Variants in CCNY observed in about 807,000 individuals in gnomAD.
CCNY encodes cyclin-Y.
Under a neutral mutation model 42.8 loss-of-function variants are expected in CCNY, and 19 were observed. The observed-to-expected ratio is 0.44, with a 90% CI of 0.31 to 0.65. CCNY has a LOEUF of 0.65. Ranked by LOEUF, CCNY falls within the 30% of genes least tolerant of loss-of-function variation. The probability of loss-of-function intolerance (pLI) is 0.07; values close to 1 mark genes in which losing one functional copy is unlikely to be tolerated. For missense variants in CCNY, 370 were observed against 437.3 expected (o/e 0.85, Z 1.37); for synonymous variants, 165 against 162.7 (o/e 1.01, Z -0.11).
intron 1 of CCNY, among the ~76,000 whole-genome samples, chr10:35,385,390 T>C (rs1035956229): frequency 6.6e-6 from 1 of 152,236 alleles, no homozygotes; most frequent in Non-Finnish European, 1.5e-5. Flanking sequence ...CCTGTGGTAC[T>C]CCTGTACTAA....
chr10:35,337,446 G>A (rs1208101717), intron 1 of CCNY, among the ~76,000 whole-genome samples: 1 of 152,224 alleles, frequency 6.6e-6, no homozygotes, highest in Non-Finnish European at 1.5e-5. Context: ...GAGCACGGCG[G>A]GCCTAGGGCG....
chr10:35,456,177 G>A (rs1034160411), intron 1 of CCNY, among the ~76,000 whole-genome samples: 3 of 152,154 alleles, frequency 2.0e-5, no homozygotes, highest in African/African-American at 7.2e-5. Context: ...TTGTAAAGTT[G>A]TGTTCACCAT....
intron 1 of CCNY, among the ~76,000 whole-genome samples, chr10:35,353,275 G>A (rs1230568405): frequency 6.6e-6 from 1 of 152,130 alleles, no homozygotes; most frequent in Non-Finnish European, 1.5e-5. Flanking sequence ...GAACTTGTTC[G>A]TAGCTTAGTC....
At chr10:35,424,842 A>G (rs1838232193) in intron 1 of CCNY, among the ~76,000 whole-genome samples, 1 of 152,238 alleles carries the variant, frequency 6.6e-6, no homozygotes, top group South Asian at 2.1e-4. Context: ...GCTGTTGCCA[A>G]GAACCTGTTT....
upstream of CCNY, chr10:35,336,387 G>T (rs1243510214): frequency 6.6e-6 from 1 of 152,058 alleles, no homozygotes; most frequent in Non-Finnish European, 1.5e-5. Context: ...GCGCGGGGCT[G>T]CGCCGCCCCG....
In CCNY at chr10:35,428,151, G is replaced by A. The variant is rs899393557; in HGVS notation, c.155-55253G>A. Among the ~76,000 whole-genome samples, 4 of 152,236 alleles carry A rather than the reference G, an allele frequency of 2.6e-5. No individual in the cohort carries two copies. In the East Asian group the frequency reaches 5.8e-4, roughly 22 times the overall value. ...GCATTGAGTTAAAATGTGGAACAAAGCAGATGCTGTCACTGCTCTTGTGTT... is the reference window on the plus strand; with the variant it reads ...GCATTGAGTTAAAATGTGGAACAAAACAGATGCTGTCACTGCTCTTGTGTT... On this transcript the variant is annotated intron_variant, in intron 1 of 9. Coordinates refer to ENST00000374704, the MANE Select transcript of CCNY (RefSeq NM_145012.6).
At chr10:35,334,308 T>C (rs1034011282), upstream of CCNY, among the ~76,000 whole-genome samples, 2 of 152,224 alleles carry the variant, frequency 1.3e-5, no homozygotes, top group Non-Finnish European at 2.9e-5. Context: ...TTAATGCATC[T>C]GAGTAGATAT....
chr10:35,292,506 G>A (rs966460177), intron 3 of CCNY, among the ~76,000 whole-genome samples: 6 of 151,520 alleles, frequency 4.0e-5, no homozygotes, highest in African/African-American at 7.3e-5. Flanking sequence ...GATTACAGGC[G>A]TGCACTACCG....
chr10:35,526,874 G>A (rs1049171087), intron 5 of CCNY, among the ~76,000 whole-genome samples: 2 of 152,120 alleles, frequency 1.3e-5, no homozygotes, highest in African/African-American at 2.4e-5. Flanking sequence ...CATGCATAAT[G>A]TGACATTCAT....
chr10:35,295,379 G>A lies in CCNY; in HGVS notation c.-9+44753G>A, dbSNP rs185247142. ...CCCGAGTAGCTGGGATTACAGGCAT[G>A]TGCCACCACGCCTGGCTAATTTTGT... is the stretch of plus-strand genomic sequence containing the variant. On this transcript the variant is annotated intron_variant, in intron 3 of 11. Transcript: ENST00000374706. Among the ~76,000 whole-genome samples the A allele has an allele frequency of 1.3e-3, 191 of 151,886 alleles. 5 individuals carry two copies. In the East Asian group the frequency reaches 0.033, roughly 26 times the overall value.
intron 1 of CCNY, among the ~76,000 whole-genome samples, chr10:35,469,803 TGGAGATGGAGAGATAG>T (rs1247075238): frequency 3.9e-5 from 3 of 77,786 alleles, no homozygotes; most frequent in African/African-American, 5.2e-5. Flanking sequence ...GAGACAGATA[TGGAGATGGAGAGATAG>T]GGAGATGGAG....
intron 1 of CCNY, among the ~76,000 whole-genome samples, chr10:35,403,691 T>G (rs1369906089): frequency 6.6e-6 from 1 of 152,228 alleles, no homozygotes; most frequent in African/African-American, 2.4e-5. Context: ...AAGGCATATT[T>G]GGAGTCAATA....
intron 1 of CCNY, among the ~76,000 whole-genome samples, chr10:35,465,462 CCTT>C (rs1263517478): frequency 1.3e-5 from 2 of 152,142 alleles, no homozygotes; most frequent in African/African-American, 4.8e-5. Flanking sequence ...TAATGAATAT[CCTT>C]CTAAACATAA....
chr10:35,429,755 G>A (rs1422805619), intron 1 of CCNY, among the ~76,000 whole-genome samples: 1 of 152,100 alleles, frequency 6.6e-6, no homozygotes, highest in Non-Finnish European at 1.5e-5. Flanking sequence ...CTAGGTATGT[G>A]GCCATGTATT....
intron 7 of CCNY, among the ~76,000 whole-genome samples, chr10:35,538,497 C>A (rs1840931725): frequency 6.6e-6 from 1 of 152,170 alleles, no homozygotes; most frequent in Non-Finnish European, 1.5e-5. Flanking sequence ...CTGTCTTTTT[C>A]ATGTTAGCCA....
At chr10:35,303,482 G>A (rs114172310) in intron 3 of CCNY, among the ~76,000 whole-genome samples, 1 of 150,300 alleles carries the variant, frequency 6.7e-6, no homozygotes, top group Non-Finnish European at 1.5e-5. Flanking sequence ...TTCTTAAAAA[G>A]AAAGAGGAAA....
At chr10:35,481,600 A>G (rs1839670937) in intron 1 of CCNY, among the ~76,000 whole-genome samples, 2 of 152,202 alleles carry the variant, frequency 1.3e-5, no homozygotes, top group African/African-American at 2.4e-5. Flanking sequence ...GTCTGAGGCC[A>G]AGGATTGATT....
At chr10:35,332,129 G>C (rs1051658554), upstream of CCNY, among the ~76,000 whole-genome samples, 1 of 152,206 alleles carries the variant, frequency 6.6e-6, no homozygotes, top group African/African-American at 2.4e-5. Flanking sequence ...CATTTGGAGA[G>C]GAGGTCGGTG....
rs574262907 is a variant in CCNY, at chr10:35,447,794, C to T, written c.155-35610C>T. 7.4e-4 allele frequency among the ~76,000 whole-genome samples: 112 copies of T among 152,124 alleles called. 1 individual carries two copies. Among genetic ancestry groups the T allele is most frequent in the Non-Finnish European group, 1.3e-3 (87 of 68,010 alleles). On this transcript the variant is annotated intron_variant, in intron 1 of 9. Coordinates refer to ENST00000374704, the MANE Select transcript of CCNY (RefSeq NM_145012.6). The stretch of plus-strand genomic sequence containing the variant: ...CTTGCTGAGTCTGTTTGGCACAGGT[C>T]GGATGTTTGTGCTTGGTCTGGAATT...
Sources: allele counts gnomAD v4.1 joint callset (sites outside exome capture counted in the v4.1 genomes callset), GRCh38; gene constraint gnomAD v4.1.1; transcripts MANE v1.5; gene names NCBI Gene and HGNC (gene_info 2026-07-23, HGNC 2026-07-21).